Variants in VGLL4 observed in about 807,000 individuals in gnomAD.
VGLL4 encodes the protein vestigial like family member 4.
VGLL4 carries 7 observed loss-of-function variants against 21.0 expected under a neutral mutation model. That is an observed-to-expected ratio of 0.33 (90% CI 0.19 to 0.63). The LOEUF is 0.63. Ranked by LOEUF, VGLL4 falls within the 20% of genes least tolerant of loss-of-function variation. The pLI, the probability that VGLL4 is intolerant of heterozygous loss-of-function variation, is 0.78. For missense variants in VGLL4, 394 were observed against 425.7 expected (o/e 0.93, Z 0.66); for synonymous variants, 222 against 173.2 (o/e 1.28, Z -2.21).
chr3:11,651,449 T>C (rs1305880164), intron 2 of VGLL4, among the ~76,000 whole-genome samples: 3 of 152,066 alleles, frequency 2.0e-5, no homozygotes, highest in Non-Finnish European at 4.4e-5. Context: ...CTTTTAAACA[T>C]TGTTTAGAAT....
At chr3:11,697,663 C>T (rs1293776049) in intron 2 of VGLL4, among the ~76,000 whole-genome samples, 1 of 152,118 alleles carries the variant, frequency 6.6e-6, no homozygotes, top group Non-Finnish European at 1.5e-5. Flanking sequence ...ATTAAGCTGA[C>T]CTGGTTTGCT....
At chr3:11,560,506 T>C (rs928342554) in intron 3 of VGLL4, among the ~76,000 whole-genome samples, 2 of 152,160 alleles carry the variant, frequency 1.3e-5, no homozygotes, top group Non-Finnish European at 2.9e-5. Context: ...CCATTAAAGT[T>C]AGAGCAGTAG....
chr3:11,584,773 T>C, intron 2 of VGLL4, among the ~76,000 whole-genome samples: 1 of 146,842 alleles, frequency 6.8e-6, no homozygotes, highest in East Asian at 2.0e-4. Flanking sequence ...AATGAAAAAA[T>C]GCTGACCAAC....
chr3:11,666,243 C>A (rs1169154516), intron 2 of VGLL4, among the ~76,000 whole-genome samples: 4 of 138,274 alleles, frequency 2.9e-5, no homozygotes, highest in African/African-American at 1.1e-4. Context: ...AGCGAGACTG[C>A]GCCTCAAAAA....
chr3:11,583,035 G>A (rs973048759), intron 2 of VGLL4, among the ~76,000 whole-genome samples: 2 of 152,172 alleles, frequency 1.3e-5, no homozygotes, highest in Non-Finnish European at 2.9e-5. Context: ...AGATGTCTTA[G>A]CCATACGCCA....
chr3:11,708,636 C>G (rs1221152606), intron 1 of VGLL4, among the ~76,000 whole-genome samples: 1 of 152,194 alleles, frequency 6.6e-6, no homozygotes, highest in East Asian at 1.9e-4. Context: ...ATTTTATTTC[C>G]TTTATGAGCC....
upstream of VGLL4, among the ~76,000 whole-genome samples, chr3:11,721,510 T>C (rs189506643): frequency 6.6e-6 from 1 of 152,328 alleles, no homozygotes; most frequent in East Asian, 1.9e-4. Flanking sequence ...CCTGGATAAA[T>C]ATTCACAGAT....
intron 3 of VGLL4, among the ~76,000 whole-genome samples, chr3:11,563,162 G>A (rs2073178890): frequency 6.6e-6 from 1 of 150,392 alleles, no homozygotes; most frequent in South Asian, 2.2e-4. Context: ...GAGATAGCTT[G>A]TAAGGCTCAC....
intron 2 of VGLL4, among the ~76,000 whole-genome samples, chr3:11,658,740 A>G (rs2075992244): frequency 6.6e-6 from 1 of 152,034 alleles, no homozygotes; most frequent in East Asian, 1.9e-4. Flanking sequence ...GTTAATATTG[A>G]ACAAAAAGAA....
At chr3:11,559,547 C>T in intron 3 of VGLL4, 92 bp from the exon 4 acceptor site, 2 of 1,418,212 alleles carry the variant, frequency 1.4e-6, no homozygotes, top group Non-Finnish European at 9.2e-7. Flanking sequence ...AGGCTCTGTC[C>T]TGGTGCCCTT....
At chr3:11,580,975 A>G (rs2074206375) in intron 2 of VGLL4, among the ~76,000 whole-genome samples, 1 of 151,956 alleles carries the variant, frequency 6.6e-6, no homozygotes, top group Non-Finnish European at 1.5e-5. Flanking sequence ...AGCAATACAT[A>G]TTGACCATTT....
At chr3:11,717,995 T>C (rs893989107) in intron 1 of VGLL4, among the ~76,000 whole-genome samples, 1 of 152,192 alleles carries the variant, frequency 6.6e-6, no homozygotes, top group Non-Finnish European at 1.5e-5. Flanking sequence ...AGAGCTGTTT[T>C]TACTACAACA....
intron 1 of VGLL4, among the ~76,000 whole-genome samples, chr3:11,618,409 G>A (rs2075205420): frequency 6.6e-6 from 1 of 152,144 alleles, no homozygotes; most frequent in South Asian, 2.1e-4. Flanking sequence ...AATATTTATT[G>A]GAGAGTTACT....
intron 2 of VGLL4, among the ~76,000 whole-genome samples, chr3:11,576,785 G>A (rs1031988484): frequency 6.6e-6 from 1 of 152,200 alleles, no homozygotes; most frequent in African/African-American, 2.4e-5. Context: ...GAAAAGTGGA[G>A]GGCAGGACCC....
intron 2 of VGLL4, among the ~76,000 whole-genome samples, chr3:11,684,715 T>G (rs973607763): frequency 7.0e-6 from 1 of 143,506 alleles, no homozygotes; most frequent in Non-Finnish European, 1.5e-5. Context: ...ACTGGCCAAC[T>G]GTTTCAACCT....
chr3:11,568,953 G>A lies in VGLL4; in HGVS notation c.273-3934C>T. 8.3e-7 allele frequency: 1 copy of A among 1,204,006 alleles called. No individual in the cohort carries two copies. Among genetic ancestry groups the A allele is most frequent in the South Asian group, 2.0e-5 (1 of 49,558 alleles). The allele number at this position is 1,204,006 out of a possible 1,614,324, so 74.6% of individuals were successfully genotyped here. A position where few individuals can be genotyped will look rare whatever the true frequency, so the allele number is the denominator to read the frequency against. On this transcript the variant is annotated intron_variant, in intron 2 of 4. Transcript: ENST00000430365. This position sits in a 1 kb window ranked among gnomAD's most constrained non-coding sequence, Gnocchi z 5.9. Reference sequence around the variant, plus strand: ...ACTGCCAGCTGCCCACGGAGAGAAAGATGGAAAGAGGAGGGAGGGAAAGAG... The same window carrying A: ...ACTGCCAGCTGCCCACGGAGAGAAAAATGGAAAGAGGAGGGAGGGAAAGAG...
At chr3:11,637,408 CACTT>C (rs529129489) in intron 1 of VGLL4, among the ~76,000 whole-genome samples, 86 of 152,272 alleles carry the variant, frequency 5.6e-4, no homozygotes, top group African/African-American at 1.9e-3. Context: ...TTTCTCTAAT[CACTT>C]ACTAGATATA....
At position 11,559,349 on chromosome 3, in the gene VGLL4, T is replaced by C; in HGVS notation, c.602A>G (p.Tyr201Cys). Residue 201 changes from tyrosine (Y) to cysteine (C), a missense_variant, in exon 4 of 5, where the codon TAC becomes TGC. Transcript: ENST00000430365. ...ACACTCACCGCTCGGTGGCCTCCGGTAGCTGGCAGGCCCGGGCGCGGCACA... is the reference window on the plus strand; with the variant it reads ...ACACTCACCGCTCGGTGGCCTCCGGCAGCTGGCAGGCCCGGGCGCGGCACA... ...SGCAAPGPAS[Y>C]RRPPSAATTC... The C allele has an allele frequency of 6.5e-7, 1 of 1,548,414 alleles. No individual in the cohort carries two copies.
intron 1 of VGLL4, among the ~76,000 whole-genome samples, chr3:11,623,807 C>T (rs530284479): frequency 6.6e-6 from 1 of 151,170 alleles, no homozygotes; most frequent in South Asian, 2.1e-4. Flanking sequence ...GTGGTGCCAT[C>T]ATAATTCATT....
Sources: gnomAD v4.1 joint callset for allele counts (sites outside exome capture counted in the v4.1 genomes callset) on GRCh38, gnomAD v4.1.1 for gene constraint, Gnocchi (gnomAD v3.1) non-coding constraint, MANE v1.5 for transcripts, NCBI Gene and HGNC (gene_info 2026-07-23, HGNC 2026-07-21) for gene names.